CLIC5: variants seen among roughly 807,000 people sequenced by gnomAD.
CLIC5 encodes CLIC family member 5, also known as chloride intracellular channel protein 5.
In CLIC5, 20 loss-of-function variants were observed where a neutral mutation model predicts 24.7. That is an observed-to-expected ratio of 0.81 (90% CI 0.57 to 1.18). The LOEUF (loss-of-function observed/expected upper bound fraction) is 1.18, where lower values mean the gene tolerates loss of function less well. Ranked by LOEUF, CLIC5 falls within the 50% of genes most tolerant of loss-of-function variation. CLIC5 has a pLI of 0.00. For missense variants in CLIC5, 341 were observed against 326.1 expected, an observed-to-expected ratio of 1.05 and a Z score of -0.35; for synonymous variants, 159 against 135.6, an observed-to-expected ratio of 1.17 and a Z score of -1.20.
At chr6:46,012,394 A>C (rs996389370) in intron 1 of CLIC5, among the ~76,000 whole-genome samples, 1 of 152,202 alleles carries the variant, frequency 6.6e-6, no homozygotes, top group Non-Finnish European at 1.5e-5. Context: ...ATGATCTAAC[A>C]TTTCTTATTG....
At chr6:45,968,695 C>T (rs182500040) in intron 1 of CLIC5, among the ~76,000 whole-genome samples, 2 of 152,224 alleles carry the variant, frequency 1.3e-5, no homozygotes, top group East Asian at 1.9e-4. Context: ...TAATTGGAGG[C>T]GGGTGACTAT....
At chr6:46,107,381 G>C in the CLIC5 span, among the ~76,000 whole-genome samples, 6 of 152,134 alleles carry the variant, frequency 3.9e-5, no homozygotes, top group Non-Finnish European at 8.8e-5. Context: ...TGTGCCTTCC[G>C]GCCTTGCTAG....
chr6:45,947,567 C>G (rs1042469322), intron 3 of CLIC5, among the ~76,000 whole-genome samples: 1 of 152,200 alleles, frequency 6.6e-6, no homozygotes, highest in African/African-American at 2.4e-5. Context: ...ATGACGGAAG[C>G]CCCCACTCCT....
At chr6:46,070,614 G>A (rs1762567350) in intron 1 of CLIC5, among the ~76,000 whole-genome samples, 1 of 152,062 alleles carries the variant, frequency 6.6e-6, no homozygotes, top group South Asian at 2.1e-4. Flanking sequence ...TTGTGTACAA[G>A]GAGAATCAAT....
At chr6:45,986,403 G>T (rs1050166886) in intron 1 of CLIC5, among the ~76,000 whole-genome samples, 11 of 152,192 alleles carry the variant, frequency 7.2e-5, no homozygotes, top group African/African-American at 2.4e-4. Flanking sequence ...GATTAGCTGT[G>T]TGACCTCAGG....
At chr6:46,029,549 T>C (rs1225470386) in intron 1 of CLIC5, among the ~76,000 whole-genome samples, 1 of 152,194 alleles carries the variant, frequency 6.6e-6, no homozygotes, top group Non-Finnish European at 1.5e-5. Flanking sequence ...TTGTCTCTCC[T>C]AAAACCTGGC....
intron 2 of CLIC5, among the ~76,000 whole-genome samples, chr6:45,950,518 C>T (rs1026709708): frequency 6.6e-6 from 1 of 152,130 alleles, no homozygotes; most frequent in South Asian, 2.1e-4. Flanking sequence ...AGTTGTGAGC[C>T]GTTGATGGCA....
At chr6:46,006,932 A>G (rs35250384) in intron 1 of CLIC5, among the ~76,000 whole-genome samples, 1,964 of 152,212 alleles carry the variant, frequency 0.013, 36 homozygotes, top group Middle Eastern at 0.044. Flanking sequence ...TCGGCCTCCC[A>G]AAGTGCTGAG....
rs1762451132 is a variant in CLIC5, at chr6:45,899,335, C to T, written c.*3753G>A. The T allele has an allele frequency of 6.6e-6, 1 of 152,156 alleles. No individual in the cohort carries two copies. Among genetic ancestry groups the T allele is most frequent in the Admixed American group, 6.5e-5 (1 of 15,272 alleles). The allele number at this position is 152,156 out of a possible 1,614,324, so 9.4% of individuals were successfully genotyped here. On this transcript the variant is annotated 3_prime_UTR_variant, in exon 6 of 6. Coordinates refer to ENST00000339561, the MANE Select transcript of CLIC5 (RefSeq NM_016929.5). ...GGGAATCATTGTACTTAGTTTTAAC[C>T]ATGAGTTAACATTTCCTTTTTCCAA...
intron 1 of CLIC5, among the ~76,000 whole-genome samples, chr6:46,044,679 C>A (rs945269948): frequency 6.6e-6 from 1 of 152,122 alleles, no homozygotes; most frequent in Admixed American, 6.6e-5. Flanking sequence ...ACTTCTCTAA[C>A]TAAACAGTCA....
chr6:46,033,296 G>GT (rs564332141), intron 1 of CLIC5, among the ~76,000 whole-genome samples: 2,082 of 143,042 alleles, frequency 0.015, 9 homozygotes, highest in Middle Eastern at 0.018. Context: ...CAAATCTATA[G>GT]TTTTTTTTTT....
chr6:45,890,296 A>G (rs1207943394), intron 6 of CLIC5, among the ~76,000 whole-genome samples: 1 of 152,198 alleles, frequency 6.6e-6, no homozygotes, highest in Admixed American at 6.5e-5. Flanking sequence ...CCAATGGCCA[A>G]CAGATATATG....
the CLIC5 span, among the ~76,000 whole-genome samples, chr6:46,118,232 T>C: frequency 6.6e-6 from 1 of 152,248 alleles, no homozygotes; most frequent in East Asian, 1.9e-4. Context: ...TATCTTATCA[T>C]GTTATAAACA....
chr6:46,105,822 T>C, the CLIC5 span, among the ~76,000 whole-genome samples: 3 of 152,216 alleles, frequency 2.0e-5, no homozygotes, highest in Non-Finnish European at 2.9e-5. Flanking sequence ...GGTGGGTCAC[T>C]GGCAAGAACT....
At chr6:46,006,813 C>T (rs757259452) in intron 1 of CLIC5, among the ~76,000 whole-genome samples, 3 of 151,602 alleles carry the variant, frequency 2.0e-5, no homozygotes, top group Non-Finnish European at 2.9e-5. Context: ...GTAGCTGGGG[C>T]TATAGGTGGG....
intron 6 of CLIC5, among the ~76,000 whole-genome samples, chr6:45,888,491 A>G (rs996468614): frequency 1.3e-5 from 2 of 152,222 alleles, no homozygotes; most frequent in South Asian, 2.1e-4. Flanking sequence ...CTAGGTAAGG[A>G]ACTATGGGAT....
chr6:45,903,507 T>C (rs887632517), intron 5 of CLIC5, among the ~76,000 whole-genome samples: 6 of 152,234 alleles, frequency 3.9e-5, no homozygotes, highest in Non-Finnish European at 7.3e-5. Flanking sequence ...TCTCAGGAAA[T>C]AATCATGGAT....
intron 1 of CLIC5, among the ~76,000 whole-genome samples, chr6:46,005,968 G>A (rs1314367501): frequency 1.5e-5 from 2 of 137,890 alleles, no homozygotes; most frequent in African/African-American, 5.7e-5. Context: ...GATTAGGACA[G>A]AGCCTATGTG....
intron 1 of CLIC5, among the ~76,000 whole-genome samples, chr6:46,012,960 G>T (rs922151134): frequency 6.6e-6 from 1 of 152,168 alleles, no homozygotes; most frequent in Non-Finnish European, 1.5e-5. Context: ...CTAATATGCT[G>T]CAATCTTTCC....
Sources: gnomAD v4.1 joint callset for allele counts (sites outside exome capture counted in the v4.1 genomes callset) on GRCh38, gnomAD v4.1.1 for gene constraint, MANE v1.5 for transcripts, NCBI Gene and HGNC (gene_info 2026-07-23, HGNC 2026-07-21) for gene names.